Variants in RASA1 observed in about 807,000 individuals in gnomAD.
The protein encoded by RASA1 is RAS p21 protein activator 1.
Under a neutral mutation model 132.2 loss-of-function variants are expected in RASA1, and 25 were observed. The ratio of observed to expected loss-of-function variants is 0.19; its 90% confidence interval spans 0.14 to 0.26. The LOEUF (loss-of-function observed/expected upper bound fraction) is 0.26, where lower values mean the gene tolerates loss of function less well. RASA1 is among the 10% of genes least tolerant of loss of function. The probability of loss-of-function intolerance (pLI) is 1.00; values close to 1 mark genes in which losing one functional copy is unlikely to be tolerated. For missense variants in RASA1, 964 were observed against 1,299.2 expected (o/e 0.74, Z 3.97); for synonymous variants, 477 against 449.9 (o/e 1.06, Z -0.76).
chr5:87,300,610 AG>A (rs1755319157), intron 1 of RASA1, among the ~76,000 whole-genome samples: 1 of 152,200 alleles, frequency 6.6e-6, no homozygotes, highest in Non-Finnish European at 1.5e-5. Context: ...GATAGAATAA[AG>A]TTTTGGATGA....
At chr5:87,379,346 C>CT (rs925622501) in intron 18 of RASA1, among the ~76,000 whole-genome samples, 1 of 152,084 alleles carries the variant, frequency 6.6e-6, no homozygotes, top group Non-Finnish European at 1.5e-5. Context: ...TAAATGTACT[C>CT]TGCTGACACT....
chr5:87,334,028 T>C (rs1757778380), intron 4 of RASA1, among the ~76,000 whole-genome samples: 1 of 152,222 alleles, frequency 6.6e-6, no homozygotes. Context: ...TGTAAGTGTG[T>C]TTCATGTAAC....
chr5:87,286,175 T>C (rs1474581861), intron 1 of RASA1, among the ~76,000 whole-genome samples: 2 of 152,118 alleles, frequency 1.3e-5, no homozygotes, highest in Admixed American at 1.3e-4. Context: ...CTAATTTTTG[T>C]ATTTTTTTAG....
chr5:87,351,311 T>A (rs2923745), intron 8 of RASA1, among the ~76,000 whole-genome samples: 151,766 of 151,796 alleles, frequency 1, 75,868 homozygotes, highest in Non-Finnish European at 1. Context: ...TAGTTTCTTC[T>A]TTATTAGTGC....
chr5:87,372,049 ACC>A, intron 12 of RASA1, 67 bp from the exon 13 acceptor site: 1 of 1,445,006 alleles, frequency 6.9e-7, no homozygotes, highest in Non-Finnish European at 9.5e-7. Context: ...GAAAAAAAAA[ACC>A]TAACTGATGA....
At chr5:87,372,578 G>A (rs1761027734) in intron 13 of RASA1, among the ~76,000 whole-genome samples, 1 of 152,096 alleles carries the variant, frequency 6.6e-6, no homozygotes, top group Non-Finnish European at 1.5e-5. Flanking sequence ...TCATTTTGAA[G>A]AACAGCTTTT....
At chr5:87,361,230 A>AT (rs1360960542) in intron 9 of RASA1, among the ~76,000 whole-genome samples, 1 of 152,250 alleles carries the variant, frequency 6.6e-6, no homozygotes, top group Non-Finnish European at 1.5e-5. Context: ...AACTTTATGT[A>AT]TAAAAAACAG....
chr5:87,339,955 T>C (rs1178738623), intron 5 of RASA1, among the ~76,000 whole-genome samples: 2 of 152,134 alleles, frequency 1.3e-5, no homozygotes, highest in Non-Finnish European at 2.9e-5. Context: ...TTTCTCCTTC[T>C]AAAATTCTAA....
intron 8 of RASA1, among the ~76,000 whole-genome samples, chr5:87,352,551 AT>A (rs529898652): frequency 7.0e-4 from 106 of 151,838 alleles, no homozygotes; most frequent in African/African-American, 1.9e-3. Flanking sequence ...ATGTCATTTT[AT>A]TTTTTTGTAA....
chr5:87,364,627 C>G (rs1760368216), intron 11 of RASA1, among the ~76,000 whole-genome samples: 1 of 152,034 alleles, frequency 6.6e-6, no homozygotes, highest in African/African-American at 2.4e-5. Flanking sequence ...ACCTGAGAAT[C>G]TTAACCTTCA....
intron 4 of RASA1, 138 bp downstream of exon 4, chr5:87,333,475 G>A (rs1339857319): frequency 7.4e-7 from 1 of 1,353,906 alleles, no homozygotes; most frequent in African/African-American, 1.5e-5. Context: ...TATTGGGTCT[G>A]TTGGTCCTGT....
chr5:87,323,659 A>G (rs1372683655), intron 1 of RASA1, among the ~76,000 whole-genome samples: 2 of 151,940 alleles, frequency 1.3e-5, no homozygotes, highest in African/African-American at 4.8e-5. Context: ...TTTGTAAAGT[A>G]TATTGTAAAG....
intron 9 of RASA1, among the ~76,000 whole-genome samples, chr5:87,357,643 T>G (rs953760458): frequency 2.6e-5 from 4 of 151,966 alleles, no homozygotes; most frequent in Non-Finnish European, 5.9e-5. Flanking sequence ...AGGTGGAGGT[T>G]GCAGTGAGCC....
chr5:87,300,197 C>T (rs1755299222), intron 1 of RASA1, among the ~76,000 whole-genome samples: 1 of 151,990 alleles, frequency 6.6e-6, no homozygotes, highest in South Asian at 2.1e-4. Context: ...TAGGGAGACC[C>T]TGTCTCTACA....
At chr5:87,277,972 A>G (rs567823531) in intron 1 of RASA1, among the ~76,000 whole-genome samples, 1 of 152,104 alleles carries the variant, frequency 6.6e-6, no homozygotes, top group Admixed American at 6.5e-5. Flanking sequence ...TACTCCAGCA[A>G]ATTTTCTGTA....
intron 1 of RASA1, among the ~76,000 whole-genome samples, chr5:87,316,782 T>TCTTG (rs1166209782): frequency 7.2e-5 from 11 of 152,334 alleles, no homozygotes; most frequent in East Asian, 3.9e-4. Flanking sequence ...ACTGATTTCT[T>TCTTG]CTTGCATGTG....
chr5:87,389,516 G>A lies in RASA1; in HGVS notation c.3049G>A (p.Gly1017Ser), dbSNP rs1762319822. The A allele has an allele frequency of 1.2e-6, 2 of 1,613,888 alleles. No homozygotes were observed. Among genetic ancestry groups the A allele is most frequent in the Non-Finnish European group, 1.7e-6 (2 of 1,179,926 alleles). ...ACTTCGAACGCTCAGTAATGAGCGTGGTGCACAGCAGGTAGGCTTTCGCCA... is the reference window on the plus strand; with the variant it reads ...ACTTCGAACGCTCAGTAATGAGCGTAGTGCACAGCAGGTAGGCTTTCGCCA... ...DELRTLSNER[G>S]AQQHVLKKLL... Residue 1017 changes from glycine to serine, a missense_variant, in exon 24 of 25, where the codon GGT becomes AGT. By Grantham distance (56) the Gly-to-Ser change is moderately conservative. This residue lies in a region of RASA1 where 107 missense variants were observed against 163.8 expected (regional missense o/e 0.65). Coordinates refer to ENST00000274376, the MANE Select transcript of RASA1 (RefSeq NM_002890.3).
At chr5:87,337,823 C>T in intron 4 of RASA1, 151 bp from the exon 5 acceptor site, 2 of 773,238 alleles carry the variant, frequency 2.6e-6, no homozygotes, top group Non-Finnish European at 3.7e-6. Flanking sequence ...TGGATAATGC[C>T]AGAAATAGGA....
intron 1 of RASA1, among the ~76,000 whole-genome samples, chr5:87,290,775 A>G (rs1754880553): frequency 6.6e-6 from 1 of 152,162 alleles, no homozygotes; most frequent in Admixed American, 6.5e-5. Flanking sequence ...TCTTTCACTA[A>G]ATAACATGCA....
Sources: allele counts gnomAD v4.1 joint callset (sites outside exome capture counted in the v4.1 genomes callset), GRCh38; gene constraint gnomAD v4.1.1; regional missense constraint gnomAD v4.1.1; transcripts MANE v1.5; gene names NCBI Gene and HGNC (gene_info 2026-07-23, HGNC 2026-07-21).